Variants in CHRNA4 observed in about 807,000 individuals in gnomAD.
CHRNA4 encodes cholinergic receptor nicotinic alpha 4 subunit, also known as neuronal acetylcholine receptor subunit alpha-4.
CHRNA4 carries 28 observed loss-of-function variants against 48.9 expected under a neutral mutation model. The observed-to-expected ratio is 0.57, with a 90% CI of 0.42 to 0.79. The LOEUF (loss-of-function observed/expected upper bound fraction) is 0.79, where lower values mean the gene tolerates loss of function less well. Among genes scored for constraint, CHRNA4 ranks in the 30% least tolerant of loss-of-function variants. The pLI is 0.00. For synonymous variants in CHRNA4, 425 were observed against 402.3 expected, an observed-to-expected ratio of 1.06 and a Z score of -0.68; for missense variants, 859 against 898.4, an observed-to-expected ratio of 0.96 and a Z score of 0.56.
At position 63,361,027 on chromosome 20, in the gene CHRNA4, CT is replaced by C. The variant is rs1304987098; in HGVS notation, c.76+62del. On this transcript the variant is annotated intron_variant, in intron 1 of 5. Coordinates refer to ENST00000370263, the MANE Select transcript of CHRNA4 (RefSeq NM_000744.7). ...GTCAGGAGCCTGCCTCCCTCTGGCT[CT>C]GGGGGTCCCAGGCCATCCGAACGCG... 3 of 1,298,018 alleles carry C rather than the reference CT, an allele frequency of 2.3e-6. No individual in the cohort carries two copies. In the East Asian group the frequency reaches 9.3e-5, roughly 40 times the overall value. 80.4% of individuals were successfully genotyped at this position (1,298,018 alleles called of 1,614,324 possible). A position where few individuals can be genotyped will look rare whatever the true frequency, so the allele number is the denominator to read the frequency against.
chr20:63,349,663 G>A lies in CHRNA4; in HGVS notation c.1748C>T (p.Thr583Ile). The A allele has an allele frequency of 1.2e-6, 2 of 1,612,812 alleles. No homozygotes were observed. ...ATGGGCGGGACTTACCGAGAAGTCT[G>A]TGTCTTCGGCCTTCAGGTGGTCTGC... ...YIADHLKAED[T>I]DFSVKEDWKY... The change falls in exon 5 of 6, where the codon ACA (threonine) becomes ATA (isoleucine). Residue 583 changes from threonine to isoleucine, a missense_variant. Physicochemically the swap from Thr to Ile is moderately conservative, Grantham distance 89. Around this residue, in one of 3 missense-constraint regions of CHRNA4, gnomAD observed 478 missense variants for 455.4 expected, o/e 1.05. Coordinates refer to ENST00000370263, the MANE Select transcript of CHRNA4 (RefSeq NM_000744.7).
chr20:63,351,959 G>A (rs45577639), intron 4 of CHRNA4, among the ~76,000 whole-genome samples: 34,698 of 152,134 alleles, frequency 0.23, 4,201 homozygotes, highest in East Asian at 0.49. Context: ...GGCAGCAGCC[G>A]ACCCTCCACC....
Position 63,351,205 on chromosome 20 carries a change from CCCACGT to C in CHRNA4, c.384-184_384-179del, listed in dbSNP as rs1257637026. The C allele has an allele frequency of 2.5e-5, 12 of 478,200 alleles. 1 individual carries two copies. The African/African-American group carries it at 3.0e-4, about 12-fold the overall frequency. 29.6% of individuals were successfully genotyped at this position (478,200 alleles called of 1,614,324 possible). A position where few individuals can be genotyped will look rare whatever the true frequency, so the allele number is the denominator to read the frequency against. On this transcript the variant is annotated intron_variant, in intron 4 of 5. Coordinates refer to ENST00000370263, the MANE Select transcript of CHRNA4 (RefSeq NM_000744.7). ...TCCATGTCCCACGCCCACATCCACA[CCCACGT>C]CCACGTCCACGCCCACATCCACACC...
In CHRNA4 at chr20:63,346,838, G is replaced by A. The variant is rs1215100987; in HGVS notation, c.1784C>T (p.Ala595Val). The A allele has an allele frequency of 6.2e-7, 1 of 1,612,598 alleles. No homozygotes were observed. Among genetic ancestry groups the A allele is most frequent in the South Asian group, 1.1e-5 (1 of 91,070 alleles). ...FSVKEDWKYV[A>V]MVIDRIFLWM... ...GAGGAAGATGCGGTCGATGACCATG[G>A]CCACGTACTTCCAGTCCTCCTTCAC... Residue 595 changes from alanine (A) to valine (V), a missense_variant, in exon 6 of 6, where the codon GCC (alanine) becomes GTC (valine). Around this residue, in one of 3 missense-constraint regions of CHRNA4, gnomAD observed 478 missense variants for 455.4 expected, o/e 1.05. Coordinates refer to ENST00000370263, the MANE Select transcript of CHRNA4 (RefSeq NM_000744.7).
rs1374415514 is a variant in CHRNA4, at chr20:63,361,328, C to A, written c.-163G>T. 8.0e-6 allele frequency: 9 copies of A among 1,128,078 alleles called. No homozygotes were observed. Among genetic ancestry groups the A allele is most frequent in the South Asian group, 6.2e-5 (2 of 32,140 alleles). The allele number at this position is 1,128,078 out of a possible 1,614,324, so 69.9% of individuals were successfully genotyped here. A position where few individuals can be genotyped will look rare whatever the true frequency, so the allele number is the denominator to read the frequency against. On this transcript the variant is annotated 5_prime_UTR_variant, in exon 1 of 6. Transcript: ENST00000370263. ...GGGGCGCGGTGCGGCGGCGGCGCGG[C>A]AGGGAGCGCCGGGCTGTGGGCTCCG... is the stretch of plus-strand genomic sequence containing the variant.
rs57641753 is a variant in CHRNA4 at position 63,359,897 on chromosome 20, C to CTGTG, written c.77-202_77-199dup. The CTGTG allele has an allele frequency of 1.7e-3, 739 of 435,630 alleles. 2 individuals are homozygous for CTGTG. Among genetic ancestry groups the CTGTG allele is most frequent in the African/African-American group, 9.1e-3 (285 of 31,202 alleles). 27.0% of individuals were successfully genotyped at this position (435,630 alleles called of 1,614,324 possible). On this transcript the variant is annotated intron_variant, in intron 1 of 5. Coordinates refer to ENST00000370263, the MANE Select transcript of CHRNA4 (RefSeq NM_000744.7). The stretch of plus-strand genomic sequence containing the variant: ...TGTGTGTGTGTGTGCCGGGCGTGTG[C>CTGTG]TGTGTGTGTGTGTGTGTGTGTGTGT...
rs1361289987 is a variant in CHRNA4 at position 63,350,462 on chromosome 20, C to T, written c.949G>A (p.Val317Ile). ...ACCGTGATGACGATGGACAGGGTGA[C>T]GAAGATCATGGTGAACAGCAGGTAC... ...GEYLLFTMIF[V>I]TLSIVITVFV... The change falls in exon 5 of 6, where the codon GTC becomes ATC. Residue 317 changes from valine (V) to isoleucine (I), a missense_variant. Physicochemically the swap from Val to Ile is conservative, Grantham distance 29 (BLOSUM62 3). Coordinates refer to ENST00000370263, the MANE Select transcript of CHRNA4 (RefSeq NM_000744.7). The T allele has an allele frequency of 1.9e-6, 3 of 1,613,560 alleles. No homozygotes were observed. The highest frequency in any genetic ancestry group is 1.1e-5 in the South Asian group (1 of 91,068).
At chr20:63,359,191 G>A (rs990514500) in intron 2 of CHRNA4, among the ~76,000 whole-genome samples, 7 of 152,132 alleles carry the variant, frequency 4.6e-5, no homozygotes, top group East Asian at 1.9e-4. Context: ...CCCCTGCCCC[G>A]GCCGGTTGTC....
Position 63,344,906 on chromosome 20 carries a change from G to T in CHRNA4, c.*1832C>A, listed in dbSNP as rs1342059574. On this transcript the variant is annotated 3_prime_UTR_variant, in exon 6 of 6. Coordinates refer to ENST00000370263, the MANE Select transcript of CHRNA4 (RefSeq NM_000744.7). This position sits in a 1 kb window ranked among gnomAD's most constrained non-coding sequence, Gnocchi z 4.5. ...CCTGAATACACGGGGGATGTGGGAG[G>T]GGCCAGGGGGCTGGGGATGCCCAGG... 2.5e-6 allele frequency: 1 copy of T among 402,618 alleles called. No homozygotes were observed. Among genetic ancestry groups the T allele is most frequent in the Non-Finnish European group, 5.0e-6 (1 of 198,120 alleles). 24.9% of individuals were successfully genotyped at this position (402,618 alleles called of 1,614,324 possible). A position where few individuals can be genotyped will look rare whatever the true frequency, so the allele number is the denominator to read the frequency against.
At chr20:63,352,713 G>C (rs1033356397) in intron 4 of CHRNA4, among the ~76,000 whole-genome samples, 9 of 152,184 alleles carry the variant, frequency 5.9e-5, no homozygotes, top group Non-Finnish European at 1.2e-4. Flanking sequence ...ACTCTACAGG[G>C]AACGCCAGGG....
At chr20:63,347,294 G>A (rs910571155) in intron 5 of CHRNA4, among the ~76,000 whole-genome samples, 1 of 152,238 alleles carries the variant, frequency 6.6e-6, no homozygotes, top group African/African-American at 2.4e-5. Context: ...CCGTTTTGCA[G>A]ATGGGCAAAT....
At chr20:63,354,739 G>A in intron 4 of CHRNA4, 1 of 722,792 alleles carries the variant, frequency 1.4e-6, no homozygotes, top group Non-Finnish European at 1.7e-6. Flanking sequence ...CCCATCCTGG[G>A]CGTTTCCACT....
In CHRNA4 at chr20:63,361,142, C is replaced by G. The variant is rs6089898; in HGVS notation, c.24G>C (p.Ala8=). Residue 8 remains alanine, a synonymous_variant, in exon 1 of 6, where the codon GCG becomes GCC. Transcript: ENST00000370263. MELGGPG[A]PRLLPPLLLL... is the part of the protein sequence containing the mutation. ...GCAGCAGCGGCGGCAGCAGCCGCGG[C>G]GCTCCGGGGCCCCCTAGCTCCATGG... is the stretch of plus-strand genomic sequence containing the variant. 1.4e-3 allele frequency: 2,071 copies of G among 1,476,610 alleles called. 33 individuals are homozygous for G. The African/African-American group carries it at 0.027, about 19-fold the overall frequency. The allele number at this position is 1,476,610 out of a possible 1,614,324, so 91.5% of individuals were successfully genotyped here. A position where few individuals can be genotyped will look rare whatever the true frequency, so the allele number is the denominator to read the frequency against.
rs1241106439 is a variant in CHRNA4, at chr20:63,346,370, C to T, written c.*368G>A. On this transcript the variant is annotated 3_prime_UTR_variant, in exon 6 of 6. Transcript: ENST00000370263. The stretch of plus-strand genomic sequence containing the variant: ...AACTCCCTTCAAGGGCCCCTTGGGG[C>T]GGTCGGGACCATCACCAGATCTGCT... The T allele has an allele frequency of 5.7e-5, 27 of 477,518 alleles. 1 individual carries two copies. The highest frequency in any genetic ancestry group is 6.3e-4 in the Middle Eastern group (1 of 1,592). The allele number at this position is 477,518 out of a possible 1,614,324, so 29.6% of individuals were successfully genotyped here.
intron 5 of CHRNA4, among the ~76,000 whole-genome samples, chr20:63,347,216 G>C (rs1450153975): frequency 1.3e-5 from 2 of 152,182 alleles, no homozygotes; most frequent in Admixed American, 6.5e-5. Context: ...CACGGGGGAG[G>C]GGGGCTCAGG....
At chr20:63,352,064 C>T (rs1420415279) in intron 4 of CHRNA4, among the ~76,000 whole-genome samples, 1 of 152,192 alleles carries the variant, frequency 6.6e-6, no homozygotes, top group Non-Finnish European at 1.5e-5. Flanking sequence ...CTGTGGAGGG[C>T]GCTGGGGCAC....
rs1347805541 is a variant in CHRNA4 at position 63,350,033 on chromosome 20, G to C, written c.1378C>G (p.Leu460Val). The C allele has an allele frequency of 2.0e-6, 3 of 1,518,890 alleles. No individual in the cohort carries two copies. The highest frequency in any genetic ancestry group is 2.8e-5 in the African/African-American group (2 of 72,558). 94.1% of individuals were successfully genotyped at this position (1,518,890 alleles called of 1,614,324 possible). ...ACGCTGAGGGACCTGGCTTTGGCCA[G>C]CCCTGGTGCCTGGGTGCCGTGGGGC... Reference protein sequence around the residue: ...RPPHGTQAPGLAKARSLSVQH... With the variant: ...RPPHGTQAPGVAKARSLSVQH... The change falls in exon 5 of 6, where the codon CTG (leucine) becomes GTG (valine). Residue 460 changes from leucine to valine, a missense_variant. Physicochemically the swap from Leu to Val is conservative, Grantham distance 32. Coordinates refer to ENST00000370263, the MANE Select transcript of CHRNA4 (RefSeq NM_000744.7).
In CHRNA4 at chr20:63,350,409, C is replaced by T. The variant is rs121912263; in HGVS notation, c.1002G>A (p.Ser334=). The T allele has an allele frequency of 6.8e-6, 11 of 1,613,742 alleles. No homozygotes were observed. The East Asian group carries it at 1.8e-4, about 26-fold the overall frequency. ...TVFVLNVHHR[S]PRTHTMPTWV... ...AGGTGGGCATGGTGTGCGTGCGTGG[C>T]GAGCGGTGGTGCACGTTGAGCACGA... The change falls in exon 5 of 6, where the codon TCG becomes TCA. Residue 334 remains serine (S), a synonymous_variant. Transcript: ENST00000370263.
At chr20:63,355,949 GGAC>G in intron 4 of CHRNA4, 23 bp downstream of exon 4, 1 of 1,610,262 alleles carries the variant, frequency 6.2e-7, no homozygotes, top group Non-Finnish European at 8.5e-7. Context: ...GCCCTGTAGA[GGAC>G]TCACTTGTTG....
Sources: allele counts gnomAD v4.1 joint callset (sites outside exome capture counted in the v4.1 genomes callset), GRCh38; gene constraint gnomAD v4.1.1; regional missense constraint gnomAD v4.1.1; non-coding constraint Gnocchi (gnomAD v3.1); transcripts MANE v1.5; gene names NCBI Gene and HGNC (gene_info 2026-07-23, HGNC 2026-07-21).